The following PRSS55 variants were observed in gnomAD, a reference collection of about 807,000 sequenced individuals.
PRSS55 encodes serine protease 55, also known as probable serine protease UNQ9391/PRO34284.
PRSS55 carries 41 observed loss-of-function variants against 23.6 expected under a neutral mutation model. The observed-to-expected ratio is 1.74, with a 90% CI of 1.35 to 2.26. The LOEUF (loss-of-function observed/expected upper bound fraction) is 2.26, where lower values mean the gene tolerates loss of function less well. PRSS55 is among the 30% of genes most tolerant of loss of function. The pLI is 0.00. For synonymous variants in PRSS55, 262 were observed against 175.5 expected, an observed-to-expected ratio of 1.49 and a Z score of -3.90; for missense variants, 669 against 439.1, an observed-to-expected ratio of 1.52 and a Z score of -4.68.
intron 4 of PRSS55, among the ~76,000 whole-genome samples, chr8:10,535,257 C>T (rs914910670): frequency 6.6e-5 from 10 of 152,082 alleles, no homozygotes; most frequent in African/African-American, 2.4e-4. Context: ...CCCAAGTAGC[C>T]AAGGCAATCC....
intron 4 of PRSS55, among the ~76,000 whole-genome samples, chr8:10,546,837 A>G (rs1030490059): frequency 6.6e-6 from 1 of 151,958 alleles, no homozygotes; most frequent in African/African-American, 2.4e-5. Context: ...AGGAGTGTGC[A>G]ATCACACCTA....
intron 4 of PRSS55, chr8:10,544,845 CAT>C (rs1285828405): frequency 9.2e-5 from 20 of 216,940 alleles, no homozygotes; most frequent in Non-Finnish European, 1.2e-4. Flanking sequence ...TTTACATCTA[CAT>C]ATGTTATAAA....
At chr8:10,535,235 A>T (rs1302976624) in intron 4 of PRSS55, among the ~76,000 whole-genome samples, 2 of 152,268 alleles carry the variant, frequency 1.3e-5, no homozygotes, top group African/African-American at 4.8e-5. Flanking sequence ...TTCATATGAA[A>T]CCAGAAAAGA....
intron 2 of PRSS55, among the ~76,000 whole-genome samples, chr8:10,530,799 C>A (rs957691956): frequency 6.6e-6 from 1 of 152,208 alleles, no homozygotes; most frequent in Non-Finnish European, 1.5e-5. Flanking sequence ...ATCAAATATC[C>A]TCTGGGGTTC....
At chr8:10,541,171 C>A (rs1221567776), downstream of PRSS55, 1 of 152,386 alleles carries the variant, frequency 6.6e-6, no homozygotes, top group Non-Finnish European at 1.5e-5. Context: ...TCTCCTGGGA[C>A]TCCCAACATG....
intron 4 of PRSS55, among the ~76,000 whole-genome samples, chr8:10,549,251 T>C (rs1812897840): frequency 6.6e-6 from 1 of 152,150 alleles, no homozygotes; most frequent in African/African-American, 2.4e-5. Flanking sequence ...GCAGCGGCCA[T>C]GGCCGCGGAG....
intron 4 of PRSS55, among the ~76,000 whole-genome samples, chr8:10,536,474 T>G (rs969239180): frequency 1.3e-5 from 2 of 152,130 alleles, no homozygotes; most frequent in Admixed American, 6.5e-5. Context: ...TCAGAGAACT[T>G]AAAACACAAC....
exon 5 of PRSS55, chr8:10,554,084 C>G: frequency 8.3e-7 from 1 of 1,204,958 alleles, no homozygotes; most frequent in Non-Finnish European, 1.2e-6. Flanking sequence ...AAAACATACC[C>G]TTGGGCATAG....
At chr8:10,531,781 G>T in intron 3 of PRSS55, 2 of 567,466 alleles carry the variant, frequency 3.5e-6, no homozygotes, top group South Asian at 2.3e-5. Context: ...AGTGTGGTTT[G>T]TGTGTTTAAC....
In PRSS55 at chr8:10,532,886, G is replaced by T. The variant is rs1812319426; in HGVS notation, c.599-20G>T. 2 of 1,614,058 alleles carry T rather than the reference G, an allele frequency of 1.2e-6. No homozygotes were observed. The highest frequency in any genetic ancestry group is 2.7e-5 in the African/African-American group (2 of 75,034). On this transcript the variant is annotated intron_variant, in intron 3 of 4. Transcript: ENST00000328655. ...CATGAGGCCCAGTGGCTTCTCTAAT[G>T]CGCTTTCTCTCTGGGCCAGCTGACA...
rs1270584562 is a variant in PRSS55, at chr8:10,538,515, G to C, written c.781G>C (p.Gly261Arg). Residue 261 changes from glycine (G) to arginine (R), a missense_variant, in exon 5 of 5, where the codon GGT (glycine) becomes CGT (arginine). Coordinates refer to ENST00000328655, the MANE Select transcript of PRSS55 (RefSeq NM_198464.4). The stretch of plus-strand genomic sequence containing the variant: ...GCCTCTGGTCTGCACCCCAGAGCCT[G>C]GTGAGAAGTGGTACCAGGTGGGCAT... ...GGPLVCTPEP[G>R]EKWYQVGIIS... 1.2e-6 allele frequency: 2 copies of C among 1,614,098 alleles called. No individual in the cohort carries two copies. Among genetic ancestry groups the C allele is most frequent in the Admixed American group, 1.7e-5 (1 of 60,028 alleles).
rs1813011699 is a variant in PRSS55, at chr8:10,554,159, C to T, written c.*127C>T. ...TGACTGAAAAAATGAATAAAAGCCT[C>T]CCCATTTTCATGATGCTTATGCTTT... On this transcript the variant is annotated 3_prime_UTR_variant, in exon 5 of 5. Transcript: ENST00000522210. 10 of 564,208 alleles carry T rather than the reference C, an allele frequency of 1.8e-5. 1 individual carries two copies. In the Middle Eastern group the frequency reaches 1.5e-3, roughly 82 times the overall value. The allele number at this position is 564,208 out of a possible 1,614,324, so 35.0% of individuals were successfully genotyped here. A position where few individuals can be genotyped will look rare whatever the true frequency, so the allele number is the denominator to read the frequency against.
At chr8:10,526,017 G>T (rs796642425) in intron 1 of PRSS55, among the ~76,000 whole-genome samples, 9 of 152,286 alleles carry the variant, frequency 5.9e-5, no homozygotes, top group African/African-American at 1.7e-4. Flanking sequence ...CCTCCCACTT[G>T]GAGGGGGACC....
rs77077675 is a variant in PRSS55 at position 10,545,029 on chromosome 8, G to T, written c.742-8914G>T. The T allele has an allele frequency of 3.9e-3, 3,824 of 984,966 alleles. 119 individuals are homozygous for T. The African/African-American group carries it at 0.063, about 16-fold the overall frequency. The allele number at this position is 984,966 out of a possible 1,614,324, so 61.0% of individuals were successfully genotyped here. ...CAGCCTCAACAAACAGGACATGGTGGCCTGCACCTGTGCTTCTCAGACCAT... is the reference window on the plus strand; with the variant it reads ...CAGCCTCAACAAACAGGACATGGTGTCCTGCACCTGTGCTTCTCAGACCAT... On this transcript the variant is annotated intron_variant, in intron 4 of 4. Transcript: ENST00000522210.
chr8:10,531,236 G>A, intron 2 of PRSS55, 59 bp from the exon 3 acceptor site: 1 of 1,596,458 alleles, frequency 6.3e-7, no homozygotes. Context: ...AGCCAATTCT[G>A]CCGCTTTTGA....
chr8:10,530,617 T>C (rs1014552483), intron 2 of PRSS55, among the ~76,000 whole-genome samples: 1 of 152,204 alleles, frequency 6.6e-6, no homozygotes, highest in African/African-American at 2.4e-5. Context: ...AGTACCCATC[T>C]AGTATATAGA....
At chr8:10,541,054 T>C (rs963228404), downstream of PRSS55, 5 of 152,462 alleles carry the variant, frequency 3.3e-5, no homozygotes, top group South Asian at 2.1e-4. Context: ...TAGAAGGACA[T>C]TGATTTTGGC....
chr8:10,531,762 G>C, intron 3 of PRSS55: 1 of 601,380 alleles, frequency 1.7e-6, no homozygotes, highest in South Asian at 2.0e-5. Flanking sequence ...GATCCAGCTA[G>C]CACAGAGCAG....
chr8:10,543,472 CTT>C (rs57410388), downstream of PRSS55, among the ~76,000 whole-genome samples: 5 of 29,234 alleles, frequency 1.7e-4, 1 homozygote, highest in African/African-American at 3.6e-4. Context: ...TCCTTTCTTT[CTT>C]TCTCTCTTTT....
Sources: gnomAD v4.1 joint callset for allele counts (sites outside exome capture counted in the v4.1 genomes callset) on GRCh38, gnomAD v4.1.1 for gene constraint, MANE v1.5 for transcripts, NCBI Gene and HGNC (gene_info 2026-07-23, HGNC 2026-07-21) for gene names.